The following MGAT5B variants were observed in gnomAD, a reference collection of about 807,000 sequenced individuals.
MGAT5B encodes N-acetylglucosaminyl-transferase Vb.
In MGAT5B, 54 loss-of-function variants were observed where a neutral mutation model predicts 95.1. That is an observed-to-expected ratio of 0.57 (90% CI 0.46 to 0.71). The LOEUF (loss-of-function observed/expected upper bound fraction) is 0.71, where lower values mean the gene tolerates loss of function less well. Among genes scored for constraint, MGAT5B ranks in the 30% least tolerant of loss-of-function variants. MGAT5B has a pLI of 0.00. For synonymous variants in MGAT5B, 464 were observed against 451.0 expected (o/e 1.03, Z -0.36); for missense variants, 935 against 1,088.6 (o/e 0.86, Z 1.99).
At chr17:76,888,599 A>G (rs911040862) in intron 3 of MGAT5B, among the ~76,000 whole-genome samples, 1 of 152,138 alleles carries the variant, frequency 6.6e-6, no homozygotes, top group African/African-American at 2.4e-5. Context: ...TCAGAATTAA[A>G]TCTCTTTCCT....
intron 3 of MGAT5B, 126 bp downstream of exon 3, chr17:76,882,424 C>T (rs2145135743): frequency 8.9e-7 from 1 of 1,125,546 alleles, no homozygotes; most frequent in Non-Finnish European, 1.2e-6. Context: ...TGTGGTACAG[C>T]CCAGAGTGCA....
chr17:76,913,504 C>T (rs541106198), intron 8 of MGAT5B, among the ~76,000 whole-genome samples: 2 of 152,304 alleles, frequency 1.3e-5, no homozygotes, highest in East Asian at 3.9e-4. Flanking sequence ...AGAGGTGCCC[C>T]ATGGAGGCCA....
At chr17:76,902,814 A>T in intron 4 of MGAT5B, 144 bp downstream of exon 4, 1 of 661,838 alleles carries the variant, frequency 1.5e-6, no homozygotes, top group South Asian at 1.9e-5. Context: ...GCCCCAGTTT[A>T]GGCTTTCAGC....
intron 5 of MGAT5B, 28 bp downstream of exon 5, chr17:76,903,404 T>G: frequency 6.3e-7 from 1 of 1,586,444 alleles, no homozygotes; most frequent in Non-Finnish European, 8.6e-7. Context: ...GGGGTGGGGA[T>G]GTCTACAGCT....
At chr17:76,892,492 C>T (rs1279402878) in intron 3 of MGAT5B, among the ~76,000 whole-genome samples, 2 of 152,236 alleles carry the variant, frequency 1.3e-5, no homozygotes, top group Non-Finnish European at 2.9e-5. Context: ...GGTCCTGGGG[C>T]TCCAGATGCA....
intron 2 of MGAT5B, among the ~76,000 whole-genome samples, chr17:76,874,184 A>T (rs1458730673): frequency 6.6e-6 from 1 of 152,120 alleles, no homozygotes; most frequent in Admixed American, 6.5e-5. Context: ...TCCTCTGGTA[A>T]ATGGGGATGG....
chr17:76,882,267 G>A lies in MGAT5B; in HGVS notation c.298G>A (p.Ala100Thr). Residue 100 changes from alanine to threonine, a missense_variant, in exon 3 of 18, where the codon GCC becomes ACC. By Grantham distance (58) the Ala-to-Thr change is moderately conservative (BLOSUM62 0). Transcript: ENST00000569840. ...RLENSSELHR[A>T]GGDLHFPADR... Reference sequence around the variant, plus strand: ...GGAGAACAGCAGTGAGCTGCACCGGGCCGGCGGCGACCTGCACTTTCCCGC... The same window carrying A: ...GGAGAACAGCAGTGAGCTGCACCGGACCGGCGGCGACCTGCACTTTCCCGC... The A allele has an allele frequency of 6.2e-7, 1 of 1,612,944 alleles. No homozygotes were observed. The highest frequency in any genetic ancestry group is 1.1e-5 in the South Asian group (1 of 90,936).
At chr17:76,884,940 G>A (rs1967568786) in intron 3 of MGAT5B, among the ~76,000 whole-genome samples, 2 of 151,982 alleles carry the variant, frequency 1.3e-5, no homozygotes, top group African/African-American at 2.4e-5. Context: ...GTTTTGCCCT[G>A]TTGCCTAGGT....
In MGAT5B at chr17:76,905,553, T is replaced by C. The variant is rs1038553891; in HGVS notation, c.855+220T>C. On this transcript the variant is annotated intron_variant, in intron 7 of 17. Coordinates refer to ENST00000569840, the MANE Select transcript of MGAT5B (RefSeq NM_001199172.2). This position sits in a 1 kb window ranked among gnomAD's most constrained non-coding sequence, Gnocchi z 4.2. ...CAAATGACAAGCCCCCAAGAGGTCCTGCATTCTGTGTACATCTGGTTCATG... is the reference window on the plus strand; with the variant it reads ...CAAATGACAAGCCCCCAAGAGGTCCCGCATTCTGTGTACATCTGGTTCATG... Among the ~76,000 whole-genome samples the C allele has an allele frequency of 6.6e-6, 1 of 152,184 alleles. No individual in the cohort carries two copies. Among genetic ancestry groups the C allele is most frequent in the African/African-American group, 2.4e-5 (1 of 41,452 alleles).
chr17:76,932,130 CCTT>C (rs1969510569), intron 10 of MGAT5B, among the ~76,000 whole-genome samples: 2 of 134,580 alleles, frequency 1.5e-5, no homozygotes, highest in African/African-American at 2.8e-5. Context: ...TTTGTCTTCT[CCTT>C]CTTTCTTCTT....
At position 76,904,376 on chromosome 17, in the gene MGAT5B, ACCAGACGGCTGC is replaced by A. The variant is rs1567805086; in HGVS notation, c.650_661del (p.Thr217_Gln220del). 1 of 1,576,452 alleles carries A rather than the reference ACCAGACGGCTGC, an allele frequency of 6.3e-7. No individual in the cohort carries two copies. The highest frequency in any genetic ancestry group is 2.3e-5 in the East Asian group (1 of 43,056). On this transcript the variant is annotated inframe_deletion, in exon 6 of 18. Transcript: ENST00000569840. ...TTCTGCCCCCCGCTGCCCTGGAGGA[ACCAGACGGCTGC>A]CCAGAGGGCACCCAAGCCCCTCCCC... is the stretch of plus-strand genomic sequence containing the variant.
chr17:76,898,525 A>G (rs1598925109), intron 3 of MGAT5B, among the ~76,000 whole-genome samples: 1 of 149,536 alleles, frequency 6.7e-6, no homozygotes, highest in East Asian at 2.0e-4. Context: ...CTGGTCTCAA[A>G]CTCCTGACCT....
At position 76,915,352 on chromosome 17, in the gene MGAT5B, G is replaced by A. The variant is rs896566428; in HGVS notation, c.1025+9165G>A. Among the ~76,000 whole-genome samples the A allele has an allele frequency of 1.3e-5, 2 of 151,914 alleles. No individual in the cohort carries two copies. Among genetic ancestry groups the A allele is most frequent in the South Asian group, 2.1e-4 (1 of 4,818 alleles). ...GGGTGGGGGGCCTGGGCTGGGGGCC[G>A]GGGATCGGGCACTCCTCTCTGACGG... On this transcript the variant is annotated intron_variant, in intron 8 of 17. Coordinates refer to ENST00000569840, the MANE Select transcript of MGAT5B (RefSeq NM_001199172.2). This position sits in a 1 kb window ranked among gnomAD's most constrained non-coding sequence, Gnocchi z 8.7.
intron 8 of MGAT5B, among the ~76,000 whole-genome samples, chr17:76,919,620 G>A (rs997268066): frequency 1.3e-5 from 2 of 152,124 alleles, no homozygotes; most frequent in Admixed American, 1.3e-4. Context: ...TGGTAGAGAT[G>A]GGGTTTCGCC....
At position 76,905,209 on chromosome 17, in the gene MGAT5B, T is replaced by C. The variant is rs770327345; in HGVS notation, c.731T>C (p.Met244Thr). ...RSNLSHLLDL[M>T]GSGKESLIFM... The stretch of plus-strand genomic sequence containing the variant: ...AACCTGTCCCACCTTCTGGACCTGA[T>C]GGGCAGCGGGAAGGAGTCCCTGATC... The change falls in exon 7 of 18, where the codon ATG becomes ACG. Residue 244 changes from methionine (M) to threonine (T), a missense_variant. Physicochemically the swap from Met to Thr is moderately conservative, Grantham distance 81 (BLOSUM62 -1). Around this residue, in one of 4 missense-constraint regions of MGAT5B, gnomAD observed 243 missense variants for 305.5 expected, o/e 0.80. Transcript: ENST00000569840. The surrounding 1 kb of genome is among the most constrained non-coding windows in gnomAD (Gnocchi z 4.2). 2.5e-6 allele frequency: 4 copies of C among 1,613,488 alleles called. No individual in the cohort carries two copies. In the South Asian group the frequency reaches 3.3e-5, roughly 13 times the overall value.
At position 76,918,761 on chromosome 17, in the gene MGAT5B, T is replaced by C. The variant is rs1208526296; in HGVS notation, c.1026-6205T>C. 2.6e-5 allele frequency among the ~76,000 whole-genome samples: 4 copies of C among 152,296 alleles called. No individual in the cohort carries two copies. The highest frequency in any genetic ancestry group is 3.4e-3 in the Middle Eastern group (1 of 294). ...CCTGGGGAGACAGAACGTCCCAGGCTGCCCCAGCTGTGTGTTCCCCTTGAG... is the reference window on the plus strand; with the variant it reads ...CCTGGGGAGACAGAACGTCCCAGGCCGCCCCAGCTGTGTGTTCCCCTTGAG... On this transcript the variant is annotated intron_variant, in intron 8 of 17. Transcript: ENST00000569840. This position sits in a 1 kb window ranked among gnomAD's most constrained non-coding sequence, Gnocchi z 5.1.
intron 2 of MGAT5B, among the ~76,000 whole-genome samples, chr17:76,880,395 A>T (rs2145130234): frequency 6.6e-6 from 1 of 152,182 alleles, no homozygotes; most frequent in African/African-American, 2.4e-5. Context: ...GGGGTGACTT[A>T]TATCAGGGTG....
In MGAT5B at chr17:76,925,038, C is replaced by G; in HGVS notation, c.1098C>G (p.Thr366=). Residue 366 remains threonine, a synonymous_variant, in exon 9 of 18, where the codon ACC becomes ACG. Coordinates refer to ENST00000569840, the MANE Select transcript of MGAT5B (RefSeq NM_001199172.2). ...CCCTGCCCTTCGACCTCATCTACAC[C>G]GACTACCACGGCCTGCAGCAGATGA... is the stretch of plus-strand genomic sequence containing the variant. ...TMPLPFDLIY[T]DYHGLQQMKR... is the part of the protein sequence containing the mutation. 6.2e-7 allele frequency: 1 copy of G among 1,611,492 alleles called. No individual in the cohort carries two copies. The highest frequency in any genetic ancestry group is 8.5e-7 in the Non-Finnish European group (1 of 1,179,344).
At position 76,915,459 on chromosome 17, in the gene MGAT5B, C is replaced by T. The variant is rs1054039569; in HGVS notation, c.1025+9272C>T. On this transcript the variant is annotated intron_variant, in intron 8 of 17. Transcript: ENST00000569840. This position sits in a 1 kb window ranked among gnomAD's most constrained non-coding sequence, Gnocchi z 8.7. ...GCAGCGGGAGACGCGAGGAAGTGGA[C>T]AAGACCGAAAAACAACCCTCGGGCT... Among the ~76,000 whole-genome samples, 32 of 152,100 alleles carry T rather than the reference C, an allele frequency of 2.1e-4. No homozygotes were observed. Among genetic ancestry groups the T allele is most frequent in the African/African-American group, 7.7e-4 (32 of 41,422 alleles).
Sources: gnomAD v4.1 joint callset for allele counts (sites outside exome capture counted in the v4.1 genomes callset) on GRCh38, gnomAD v4.1.1 for gene constraint, gnomAD v4.1.1 regional missense constraint, Gnocchi (gnomAD v3.1) non-coding constraint, MANE v1.5 for transcripts, NCBI Gene and HGNC (gene_info 2026-07-23, HGNC 2026-07-21) for gene names.